COL24A1: variants seen among roughly 807,000 people sequenced by gnomAD.
COL24A1 encodes collagen alpha-1(XXIV) chain.
In COL24A1, 224 loss-of-function variants were observed where a neutral mutation model predicts 253.9. The ratio of observed to expected loss-of-function variants is 0.88; its 90% CI spans 0.79 to 0.99. COL24A1 has a LOEUF of 0.99. COL24A1 is among the 50% of genes least tolerant of loss of function. The pLI, the probability that COL24A1 is intolerant of heterozygous loss-of-function variation, is 0.00. For missense variants in COL24A1, 2,131 were observed against 2,068.5 expected, an observed-to-expected ratio of 1.03 and a Z score of -0.59; for synonymous variants, 685 against 673.7, an observed-to-expected ratio of 1.02 and a Z score of -0.26.
In COL24A1 at chr1:86,082,948, T is replaced by C. The variant is rs527557585; in HGVS notation, c.1707+6226A>G. ...GTGGACGCTCAAAATAATTCGGATTTTGGAGCACTTCGGATTTCAAATTTT... is the reference window on the plus strand; with the variant it reads ...GTGGACGCTCAAAATAATTCGGATTCTGGAGCACTTCGGATTTCAAATTTT... On this transcript the variant is annotated intron_variant, in intron 7 of 59. Coordinates refer to ENST00000370571, the MANE Select transcript of COL24A1 (RefSeq NM_152890.7). Among the ~76,000 whole-genome samples the C allele has an allele frequency of 9.2e-5, 14 of 152,052 alleles. No homozygotes were observed. The South Asian group carries it at 2.7e-3, about 29-fold the overall frequency.
intron 10 of COL24A1, among the ~76,000 whole-genome samples, chr1:86,057,473 T>C (rs970396943): frequency 1.3e-5 from 2 of 152,208 alleles, no homozygotes; most frequent in Non-Finnish European, 2.9e-5. Context: ...ACATTTCCTT[T>C]AATGGTTTGG....
chr1:85,817,304 A>G (rs922743831), intron 46 of COL24A1, among the ~76,000 whole-genome samples: 3 of 152,212 alleles, frequency 2.0e-5, no homozygotes, highest in Non-Finnish European at 4.4e-5. Flanking sequence ...GAAATAAATT[A>G]TGGCTATTCA....
At chr1:85,981,267 CA>C (rs1379941388) in intron 20 of COL24A1, among the ~76,000 whole-genome samples, 1 of 152,130 alleles carries the variant, frequency 6.6e-6, no homozygotes, top group Non-Finnish European at 1.5e-5. Flanking sequence ...GTTACCAAAA[CA>C]GCATGGTACT....
At chr1:85,782,731 T>C (rs1669264311) in intron 51 of COL24A1, among the ~76,000 whole-genome samples, 1 of 152,348 alleles carries the variant, frequency 6.6e-6, no homozygotes, top group East Asian at 1.9e-4. Context: ...CTTCCCTTTT[T>C]CCTCTCTCTG....
At chr1:86,017,229 G>A (rs1571613832) in intron 18 of COL24A1, 25 bp from the exon 19 acceptor site, 3 of 1,539,786 alleles carry the variant, frequency 1.9e-6, no homozygotes, top group Non-Finnish European at 2.6e-6. Flanking sequence ...GAGGATCAAA[G>A]TATAAACATA....
chr1:85,964,957 T>C (rs1317939163), intron 23 of COL24A1, 52 bp downstream of exon 23: 33 of 1,482,390 alleles, frequency 2.2e-5, no homozygotes, highest in Non-Finnish European at 2.8e-5. Context: ...GTCATAATTT[T>C]ATCTTTCTGA....
In COL24A1 at chr1:85,784,347, C is replaced by G. The variant is rs372002011; in HGVS notation, c.4079G>C (p.Gly1360Ala). ...TCTTTTACCTTGAATTCCAGGTTGA[C>G]CAGGTAGCCCTTGTTCACCCTATGG... ...QGPKGEQGLP[G>A]QPGIQGKRGH... The change falls in exon 49 of 60, where the codon GGT becomes GCT. Residue 1360 changes from glycine (G) to alanine (A), a missense_variant. Coordinates refer to ENST00000370571, the MANE Select transcript of COL24A1 (RefSeq NM_152890.7). 1 of 1,613,688 alleles carries G rather than the reference C, an allele frequency of 6.2e-7. No individual in the cohort carries two copies. Among genetic ancestry groups the G allele is most frequent in the South Asian group, 1.1e-5 (1 of 91,060 alleles).
intron 5 of COL24A1, among the ~76,000 whole-genome samples, chr1:86,102,731 G>A (rs1326680897): frequency 6.6e-6 from 1 of 152,180 alleles, no homozygotes; most frequent in Non-Finnish European, 1.5e-5. Context: ...TTACTTTGCT[G>A]TAGTCCAAGA....
At chr1:85,858,829 C>T (rs562020027) in intron 37 of COL24A1, among the ~76,000 whole-genome samples, 11 of 152,010 alleles carry the variant, frequency 7.2e-5, no homozygotes, top group African/African-American at 2.7e-4. Context: ...CAGCCCCGAC[C>T]TTCCAGCAAT....
rs535279674 is a variant in COL24A1, at chr1:85,779,345, C to CT, written c.4338+1874dup. Among the ~76,000 whole-genome samples the CT allele has an allele frequency of 1.1e-3, 172 of 152,178 alleles. 1 individual carries two copies. Among genetic ancestry groups the CT allele is most frequent in the Middle Eastern group, 6.8e-3 (2 of 294 alleles). On this transcript the variant is annotated intron_variant, in intron 52 of 59. Coordinates refer to ENST00000370571, the MANE Select transcript of COL24A1 (RefSeq NM_152890.7). ...ATGAAAAAAATGTAATCGGAGACTT[C>CT]TAAAAAATTCTTATTTTTGCCACAA...
At chr1:85,980,684 G>A (rs1414062056) in intron 20 of COL24A1, among the ~76,000 whole-genome samples, 8 of 152,136 alleles carry the variant, frequency 5.3e-5, no homozygotes, top group African/African-American at 1.2e-4. Flanking sequence ...CAAGGCAGGC[G>A]GATCACAAGA....
intron 19 of COL24A1, among the ~76,000 whole-genome samples, chr1:85,994,432 C>T (rs1007445437): frequency 8.1e-5 from 12 of 147,780 alleles, no homozygotes; most frequent in East Asian, 2.0e-4. Flanking sequence ...AAAAACTAGC[C>T]TAGCTTCTAC....
chr1:85,841,902 A>G (rs113155302), intron 41 of COL24A1, among the ~76,000 whole-genome samples, 166 bp downstream of exon 41: 1,994 of 152,324 alleles, frequency 0.013, 38 homozygotes, highest in African/African-American at 0.046. Context: ...TAATTTATTT[A>G]AATTTTAGCT....
chr1:85,943,046 G>A (rs1332458927), intron 24 of COL24A1, among the ~76,000 whole-genome samples: 1 of 152,186 alleles, frequency 6.6e-6, no homozygotes, highest in African/African-American at 2.4e-5. Flanking sequence ...AATGTTAGCA[G>A]GGAGTATCCA....
Position 85,841,223 on chromosome 1 carries a change from G to T in COL24A1, c.3626C>A (p.Pro1209Gln). ...VLGPPGPRGE[P>Q]GPVGDQGERG... ...GAATTATTTCAGAAAAAGACCTACT[G>T]GTTCACCTCGAGGCCCAGGTGGTCC... Residue 1209 changes from proline (P) to glutamine (Q), a missense_variant and splice_region_variant, in exon 42 of 60, where the codon CCA (proline) becomes CAA (glutamine). Pro to Gln is a moderately conservative substitution (Grantham distance 76). Transcript: ENST00000370571. The T allele has an allele frequency of 2.5e-6, 4 of 1,598,534 alleles. No individual in the cohort carries two copies. Among genetic ancestry groups the T allele is most frequent in the Middle Eastern group, 1.7e-4 (1 of 6,032 alleles).
chr1:86,007,002 A>C (rs928109850), intron 19 of COL24A1, among the ~76,000 whole-genome samples: 1 of 152,090 alleles, frequency 6.6e-6, no homozygotes, highest in Non-Finnish European at 1.5e-5. Flanking sequence ...GCTTCAGCCC[A>C]GGAGTTTGAG....
intron 10 of COL24A1, among the ~76,000 whole-genome samples, chr1:86,056,021 G>A (rs1161129259): frequency 6.6e-6 from 1 of 151,798 alleles, no homozygotes; most frequent in African/African-American, 2.4e-5. Flanking sequence ...AGGAGGTTGA[G>A]GCAGGAGAAT....
intron 25 of COL24A1, among the ~76,000 whole-genome samples, chr1:85,910,446 C>T (rs926266273): frequency 6.6e-6 from 1 of 151,718 alleles, no homozygotes. Flanking sequence ...CAATTAAGTG[C>T]CATAAGAAAT....
intron 32 of COL24A1, among the ~76,000 whole-genome samples, chr1:85,881,651 T>C (rs1378571708): frequency 1.3e-5 from 2 of 151,964 alleles, no homozygotes; most frequent in Non-Finnish European, 2.9e-5. Context: ...TTTGTGAAAA[T>C]AGAATTGCTC....
Sources: allele counts gnomAD v4.1 joint callset (sites outside exome capture counted in the v4.1 genomes callset), GRCh38; gene constraint gnomAD v4.1.1; transcripts MANE v1.5; gene names NCBI Gene and HGNC (gene_info 2026-07-23, HGNC 2026-07-21).